The following MMP20 variants were observed in gnomAD, a reference collection of about 807,000 sequenced individuals.
MMP20 encodes matrix metalloproteinase-20.
A neutral mutation model predicts 51.8 loss-of-function variants in MMP20; 50 were observed. That is an observed-to-expected ratio of 0.97 (90% CI 0.77 to 1.22). The LOEUF (loss-of-function observed/expected upper bound fraction) is 1.22. Ranked by LOEUF, MMP20 falls within the 50% of genes most tolerant of loss-of-function variation. MMP20 has a pLI of 0.00. For synonymous variants in MMP20, 244 were observed against 216.2 expected, an observed-to-expected ratio of 1.13 and a Z score of -1.13; for missense variants, 663 against 601.4, an observed-to-expected ratio of 1.10 and a Z score of -1.07.
At chr11:102,610,150 A>G in intron 3 of MMP20, 120 bp from the exon 4 acceptor site, 1 of 1,154,552 alleles carries the variant, frequency 8.7e-7, no homozygotes, top group Non-Finnish European at 1.3e-6. Context: ...ACTTTTCAGT[A>G]TTTATTTGTT....
rs1859559794 is a variant in MMP20, at chr11:102,609,108, A to G, written c.650-10T>C. The G allele has an allele frequency of 6.2e-7, 1 of 1,613,794 alleles. No homozygotes were observed. Among genetic ancestry groups the G allele is most frequent in the African/African-American group, 1.3e-5 (1 of 74,938 alleles). On this transcript the variant is annotated splice_polypyrimidine_tract_variant and intron_variant, in intron 4 of 9. Coordinates refer to ENST00000260228, the MANE Select transcript of MMP20 (RefSeq NM_004771.4). ...GTAAACAAATTAAAACCTAGACAATATGAGAGAGAAAAAAACAGTATCAAC... is the reference window on the plus strand; with the variant it reads ...GTAAACAAATTAAAACCTAGACAATGTGAGAGAGAAAAAAACAGTATCAAC...
At position 102,579,027 on chromosome 11, in the gene MMP20, G is replaced by GGAAACA. The variant is rs763048019; in HGVS notation, c.1351+6_1351+11dup. On this transcript the variant is annotated intron_variant, in intron 9 of 9. Coordinates refer to ENST00000260228, the MANE Select transcript of MMP20 (RefSeq NM_004771.4). ...AGTTTTCATGAAGAAAGTTTTCAGT[G>GGAAACA]GAAACACTTACCATTTAATTCTACA... 1 of 1,580,296 alleles carries GGAAACA rather than the reference G, an allele frequency of 6.3e-7. No individual in the cohort carries two copies. The highest frequency in any genetic ancestry group is 1.1e-5 in the South Asian group (1 of 90,434).
At chr11:102,599,854 A>G (rs1348633742) in intron 6 of MMP20, among the ~76,000 whole-genome samples, 2 of 152,234 alleles carry the variant, frequency 1.3e-5, no homozygotes, top group Non-Finnish European at 2.9e-5. Flanking sequence ...TCATACAACT[A>G]AAAACCCATC....
chr11:102,610,653 A>G (rs536322331), intron 3 of MMP20, among the ~76,000 whole-genome samples: 1 of 152,304 alleles, frequency 6.6e-6, no homozygotes, highest in African/African-American at 2.4e-5. Context: ...ATCTATTTTA[A>G]CTAACAATTC....
intron 6 of MMP20, among the ~76,000 whole-genome samples, chr11:102,596,313 G>A (rs954878298): frequency 9.9e-5 from 15 of 152,170 alleles, no homozygotes; most frequent in African/African-American, 3.6e-4. Context: ...GAGGCATCAT[G>A]GTGCAGAAGG....
At chr11:102,603,854 C>T (rs549279966) in intron 6 of MMP20, among the ~76,000 whole-genome samples, 17 of 152,262 alleles carry the variant, frequency 1.1e-4, no homozygotes, top group African/African-American at 3.1e-4. Context: ...ATCTCTCCTG[C>T]GGTCCCTCTG....
chr11:102,614,828 C>T lies in MMP20; in HGVS notation c.374+1984G>A, dbSNP rs142935112. Among the ~76,000 whole-genome samples the T allele has an allele frequency of 6.7e-3, 1,016 of 151,788 alleles. 15 individuals are homozygous for T. The highest frequency in any genetic ancestry group is 0.023 in the African/African-American group (967 of 41,376). On this transcript the variant is annotated intron_variant, in intron 2 of 9. Transcript: ENST00000260228. ...GAAAAAAAAAAACCCACTTGATTTG[C>T]ATGACTTGCTGATTTCTGTGTTGTA...
rs992120914 is a variant in MMP20, at chr11:102,617,134, A to G, written c.127-75T>C. 5.2e-6 allele frequency: 8 copies of G among 1,546,776 alleles called. No homozygotes were observed. In the African/African-American group the frequency reaches 1.1e-4, roughly 21 times the overall value. On this transcript the variant is annotated intron_variant, in intron 1 of 9. Transcript: ENST00000260228. ...CTCATGCTCAGGTAAGGCAGGGGACAGCATTCCTGATGTATTAAAAGCAGT... is the reference window on the plus strand; with the variant it reads ...CTCATGCTCAGGTAAGGCAGGGGACGGCATTCCTGATGTATTAAAAGCAGT...
At chr11:102,595,974 A>G (rs1275983175) in intron 6 of MMP20, among the ~76,000 whole-genome samples, 1 of 152,264 alleles carries the variant, frequency 6.6e-6, no homozygotes, top group Admixed American at 6.5e-5. Flanking sequence ...AATTTTATGT[A>G]GAGTTTTCCT....
chr11:102,597,826 G>T (rs1859400508), intron 6 of MMP20, among the ~76,000 whole-genome samples: 1 of 152,036 alleles, frequency 6.6e-6, no homozygotes, highest in South Asian at 2.1e-4. Flanking sequence ...GGAGTGCAAT[G>T]GCGTGATCTA....
At chr11:102,611,943 G>A in intron 2 of MMP20, 40 bp from the exon 3 acceptor site, 1 of 1,599,654 alleles carries the variant, frequency 6.3e-7, no homozygotes. Flanking sequence ...TTCAGTAACT[G>A]CTCCGAAGAA....
chr11:102,584,209 C>A (rs1859228896), intron 8 of MMP20, among the ~76,000 whole-genome samples: 1 of 152,162 alleles, frequency 6.6e-6, no homozygotes, highest in Non-Finnish European at 1.5e-5. Context: ...CAGGAGACTG[C>A]TTTCCAAAGT....
At chr11:102,618,191 C>A (rs1859699241) in intron 1 of MMP20, among the ~76,000 whole-genome samples, 2 of 152,040 alleles carry the variant, frequency 1.3e-5, no homozygotes, top group South Asian at 4.1e-4. Flanking sequence ...GAAACAGATG[C>A]AACCGTCGAT....
chr11:102,610,836 C>G (rs1224939256), intron 3 of MMP20, among the ~76,000 whole-genome samples: 1 of 151,794 alleles, frequency 6.6e-6, no homozygotes, highest in Non-Finnish European at 1.5e-5. Context: ...GCAGTCTACT[C>G]AGGTGCACAC....
Position 102,606,710 on chromosome 11 carries a change from C to T in MMP20, c.812-34G>A, listed in dbSNP as rs755971350. On this transcript the variant is annotated intron_variant, in intron 5 of 9. Coordinates refer to ENST00000260228, the MANE Select transcript of MMP20 (RefSeq NM_004771.4). Reference sequence around the variant, plus strand: ...CAAAATGAGTTGGTCAAAATGGTAACGGGAATTTGGAGTTCACACACTTCT... The same window carrying T: ...CAAAATGAGTTGGTCAAAATGGTAATGGGAATTTGGAGTTCACACACTTCT... The T allele has an allele frequency of 9.9e-6, 16 of 1,613,074 alleles. No individual in the cohort carries two copies. In the East Asian group the frequency reaches 1.6e-4, roughly 16 times the overall value.
chr11:102,589,615 T>C (rs1199197453), intron 8 of MMP20, among the ~76,000 whole-genome samples: 1 of 152,132 alleles, frequency 6.6e-6, no homozygotes, highest in Non-Finnish European at 1.5e-5. Flanking sequence ...GACAGAAAGG[T>C]GATCCAAATT....
At chr11:102,577,993 G>A (rs568620413) in intron 9 of MMP20, among the ~76,000 whole-genome samples, 12 of 152,206 alleles carry the variant, frequency 7.9e-5, no homozygotes, top group Admixed American at 5.9e-4. Context: ...GTCCAGCCCT[G>A]TGCTATTTTT....
intron 1 of MMP20, among the ~76,000 whole-genome samples, chr11:102,621,348 A>G (rs1419413246): frequency 6.6e-6 from 1 of 152,232 alleles, no homozygotes; most frequent in Non-Finnish European, 1.5e-5. Flanking sequence ...CATGTTCCTT[A>G]CAGTCACACA....
At chr11:102,618,494 T>C (rs1051775106) in intron 1 of MMP20, among the ~76,000 whole-genome samples, 5 of 151,772 alleles carry the variant, frequency 3.3e-5, no homozygotes, top group Non-Finnish European at 5.9e-5. Context: ...GGATTTATTA[T>C]ATATATTATC....
Sources: gnomAD v4.1 joint callset for allele counts (sites outside exome capture counted in the v4.1 genomes callset) on GRCh38, gnomAD v4.1.1 for gene constraint, MANE v1.5 for transcripts, NCBI Gene and HGNC (gene_info 2026-07-23, HGNC 2026-07-21) for gene names.